PTPRT: variants seen among roughly 807,000 people sequenced by gnomAD.
The protein encoded by PTPRT is receptor-type tyrosine-protein phosphatase T.
PTPRT carries 56 observed loss-of-function variants against 176.8 expected under a neutral mutation model. The observed-to-expected ratio is 0.32, with a 90% confidence interval of 0.26 to 0.40. PTPRT has a LOEUF of 0.40. Among genes scored for constraint, PTPRT ranks in the 10% least tolerant of loss-of-function variants. The probability of loss-of-function intolerance (pLI) is 1.00; values close to 1 mark genes in which losing one functional copy is unlikely to be tolerated. For synonymous variants in PTPRT, 783 were observed against 739.0 expected (o/e 1.06, Z -0.96); for missense variants, 1,540 against 1,908.2 (o/e 0.81, Z 3.60).
chr20:42,743,888 TTTC>T (rs2076651074), intron 6 of PTPRT, among the ~76,000 whole-genome samples: 1 of 152,260 alleles, frequency 6.6e-6, no homozygotes, highest in Non-Finnish European at 1.5e-5. Context: ...GTTGCGACGA[TTTC>T]TTCATGAGAA....
chr20:42,249,287 G>A (rs2056509359), intron 13 of PTPRT, among the ~76,000 whole-genome samples: 1 of 152,134 alleles, frequency 6.6e-6, no homozygotes, highest in African/African-American at 2.4e-5. Context: ...GATAAAAAGA[G>A]GTTTTTGTTT....
rs1163715596 is a variant in PTPRT, at chr20:42,948,885, T to G, written c.89-62953A>C. On this transcript the variant is annotated intron_variant, in intron 1 of 30. Coordinates refer to ENST00000373187, the MANE Select transcript of PTPRT (RefSeq NM_007050.6). The stretch of plus-strand genomic sequence containing the variant: ...TGAGCATCAGACCCACGTATCCAAT[T>G]GTCCATGGACATTTTTATGACCTCT... Among the ~76,000 whole-genome samples the G allele has an allele frequency of 4.6e-4, 70 of 152,222 alleles. 1 individual carries two copies. Among genetic ancestry groups the G allele is most frequent in the Non-Finnish European group, 1.5e-5 (1 of 68,036 alleles).
intron 2 of PTPRT, among the ~76,000 whole-genome samples, chr20:42,805,021 T>C (rs2145597469): frequency 6.6e-6 from 1 of 152,302 alleles, no homozygotes; most frequent in African/African-American, 2.4e-5. Context: ...CCTAATAAGC[T>C]TTCTAGAGCC....
At chr20:42,604,036 T>A (rs1046682224) in intron 7 of PTPRT, among the ~76,000 whole-genome samples, 1 of 152,160 alleles carries the variant, frequency 6.6e-6, no homozygotes, top group African/African-American at 2.4e-5. Flanking sequence ...ATAAATACAC[T>A]GAAAAGTAAG....
intron 1 of PTPRT, among the ~76,000 whole-genome samples, chr20:42,963,190 C>T (rs1982101960): frequency 2.0e-5 from 3 of 150,542 alleles, no homozygotes; most frequent in Admixed American, 2.0e-4. Flanking sequence ...CAGAGCAAGA[C>T]TCCGTCTCAA....
At chr20:42,703,872 G>A (rs1480102227) in intron 6 of PTPRT, among the ~76,000 whole-genome samples, 1 of 152,224 alleles carries the variant, frequency 6.6e-6, no homozygotes, top group Middle Eastern at 3.4e-3. Context: ...GTCATCCGGG[G>A]TTTGGTCCTA....
intron 15 of PTPRT, among the ~76,000 whole-genome samples, chr20:42,210,383 G>A (rs1293611954): frequency 1.3e-5 from 2 of 151,880 alleles, no homozygotes; most frequent in African/African-American, 4.8e-5. Context: ...TGACATGATT[G>A]TATATCTAGA....
chr20:42,580,406 T>A (rs972401623), intron 7 of PTPRT, among the ~76,000 whole-genome samples: 5 of 152,148 alleles, frequency 3.3e-5, no homozygotes, highest in African/African-American at 1.2e-4. Flanking sequence ...TGGTTCCATA[T>A]GAACTTTAAA....
intron 6 of PTPRT, among the ~76,000 whole-genome samples, chr20:42,708,250 C>T (rs757538545): frequency 1.4e-4 from 22 of 152,082 alleles, no homozygotes; most frequent in Non-Finnish European, 2.5e-4. Flanking sequence ...CATTAGTCTT[C>T]TTTTATCATT....
intron 1 of PTPRT, among the ~76,000 whole-genome samples, chr20:43,146,484 A>G (rs1240981037): frequency 3.3e-5 from 5 of 152,010 alleles, no homozygotes; most frequent in African/African-American, 1.2e-4. Flanking sequence ...ATATCTTGGG[A>G]TGAGATTGTG....
intron 1 of PTPRT, among the ~76,000 whole-genome samples, chr20:43,042,475 C>A (rs117849790): frequency 0.015 from 2,314 of 152,176 alleles, 28 homozygotes; most frequent in Middle Eastern, 0.068. Flanking sequence ...ATCCCGGCTG[C>A]AGGAGGGAAA....
rs117774952 is a variant in PTPRT, at chr20:43,046,531, G to A, written c.88+143115C>T. Among the ~76,000 whole-genome samples, 95 of 143,616 alleles carry A rather than the reference G, an allele frequency of 6.6e-4. No individual in the cohort carries two copies. In the East Asian group the frequency reaches 0.016, roughly 24 times the overall value. The allele number at this position is 143,616 out of a possible 152,430, so 94.2% of individuals were successfully genotyped here. A position where few individuals can be genotyped will look rare whatever the true frequency, so the allele number is the denominator to read the frequency against. ...TTGCAGTGAGCCTGGGTAACAGAGC[G>A]AGTCTCTGTCTCAAAAAAAAAAAAA... On this transcript the variant is annotated intron_variant, in intron 1 of 30. Coordinates refer to ENST00000373187, the MANE Select transcript of PTPRT (RefSeq NM_007050.6).
chr20:42,411,171 A>C (rs755497949), intron 9 of PTPRT, among the ~76,000 whole-genome samples: 1 of 152,190 alleles, frequency 6.6e-6, no homozygotes, highest in Non-Finnish European at 1.5e-5. Flanking sequence ...AACGCCAGGC[A>C]TGGAGGCTCA....
chr20:42,045,957 T>C, the PTPRT span, among the ~76,000 whole-genome samples: 1 of 152,212 alleles, frequency 6.6e-6, no homozygotes, highest in African/African-American at 2.4e-5. Flanking sequence ...TCTCTCAGAT[T>C]TTTTTCTTAC....
chr20:42,440,056 G>A (rs879380803), intron 9 of PTPRT, among the ~76,000 whole-genome samples: 6 of 151,986 alleles, frequency 3.9e-5, no homozygotes, highest in South Asian at 2.1e-4. Flanking sequence ...ACAGGCATGC[G>A]CCACCACAAG....
intron 9 of PTPRT, among the ~76,000 whole-genome samples, chr20:42,358,902 C>T (rs2058394017): frequency 6.6e-6 from 1 of 152,114 alleles, no homozygotes; most frequent in Non-Finnish European, 1.5e-5. Flanking sequence ...TTCTGCTGAG[C>T]TCAGATTATG....
rs140446591 is a variant in PTPRT, at chr20:43,189,287, G to A, written c.88+359C>T. Reference sequence around the variant, plus strand: ...ACGCTCCACCCCGGGCGTCGGTGCCGCTCCTCGTCTCGCCGCCCCAAACAC... The same window carrying A: ...ACGCTCCACCCCGGGCGTCGGTGCCACTCCTCGTCTCGCCGCCCCAAACAC... On this transcript the variant is annotated intron_variant, in intron 1 of 30. Transcript: ENST00000373187. This position sits in a 1 kb window ranked among gnomAD's most constrained non-coding sequence, Gnocchi z 5.0. Among the ~76,000 whole-genome samples the A allele has an allele frequency of 4.5e-4, 68 of 152,094 alleles. No homozygotes were observed. The East Asian group carries it at 0.013, about 29-fold the overall frequency.
At chr20:43,020,092 ATGTG>A (rs143435604) in intron 1 of PTPRT, among the ~76,000 whole-genome samples, 2 of 141,462 alleles carry the variant, frequency 1.4e-5, no homozygotes, top group African/African-American at 5.3e-5. Flanking sequence ...GTGAGTGTGT[ATGTG>A]TGTGTGTGTG....
At chr20:42,396,300 A>G (rs1368451566) in intron 9 of PTPRT, among the ~76,000 whole-genome samples, 1 of 152,088 alleles carries the variant, frequency 6.6e-6, no homozygotes, top group African/African-American at 2.4e-5. Context: ...TTAAAACTAC[A>G]TCTAGAATTC....
Sources: gnomAD v4.1 joint callset for allele counts (sites outside exome capture counted in the v4.1 genomes callset) on GRCh38, gnomAD v4.1.1 for gene constraint, Gnocchi (gnomAD v3.1) non-coding constraint, MANE v1.5 for transcripts, NCBI Gene and HGNC (gene_info 2026-07-23, HGNC 2026-07-21) for gene names.